EXD3: variants seen among roughly 807,000 people sequenced by gnomAD.
EXD3 encodes exonuclease mut-7 homolog.
EXD3 carries 92 observed loss-of-function variants against 98.0 expected under a neutral mutation model. The ratio of observed to expected loss-of-function variants is 0.94; its 90% CI spans 0.79 to 1.12. EXD3 has a LOEUF of 1.12. Among genes scored for constraint, EXD3 ranks in the 50% most tolerant of loss-of-function variants. EXD3 has a pLI of 0.00. For missense variants in EXD3, 1,222 were observed against 1,191.6 expected (o/e 1.03, Z -0.38); for synonymous variants, 569 against 526.0 (o/e 1.08, Z -1.12).
intron 7 of EXD3, 23 bp from the exon 8 acceptor site, chr9:137,356,391 C>A: frequency 1.4e-6 from 2 of 1,430,346 alleles, no homozygotes; most frequent in Non-Finnish European, 1.9e-6. Context: ...AGAGGCACAG[C>A]CTCTGTTGCT....
At chr9:137,354,664 G>A in intron 9 of EXD3, 36 bp downstream of exon 9, 1 of 1,607,988 alleles carries the variant, frequency 6.2e-7, no homozygotes, top group Non-Finnish European at 8.5e-7. Context: ...TCAGGCCGCG[G>A]CTGGCTGCCC....
At chr9:137,330,603 A>ACTACACAGGAG (rs1833014320) in intron 17 of EXD3, among the ~76,000 whole-genome samples, 3 of 129,308 alleles carry the variant, frequency 2.3e-5, no homozygotes, top group African/African-American at 8.9e-5. Context: ...ACTACACAGG[A>ACTACACAGGAG]CTACACAGGA....
chr9:137,352,079 C>T lies in EXD3; in HGVS notation c.1160G>A (p.Gly387Asp). ...ASWEDLTRHE[G>D]ALLQCHQVVG... Reference sequence around the variant, plus strand: ...CGAGGGAACCACCTGCAGGAGTGCACCCTCGTGTCTGGTCAGGTCTTCCCA... The same window carrying T: ...CGAGGGAACCACCTGCAGGAGTGCATCCTCGTGTCTGGTCAGGTCTTCCCA... Residue 387 changes from glycine (G) to aspartate (D), a missense_variant, in exon 12 of 22, where the codon GGT becomes GAT. Gly to Asp is a moderately conservative substitution (Grantham distance 94, BLOSUM62 -1). Transcript: ENST00000340951. The T allele has an allele frequency of 1.9e-6, 3 of 1,611,938 alleles. No homozygotes were observed. Among genetic ancestry groups the T allele is most frequent in the African/African-American group, 1.3e-5 (1 of 75,058 alleles).
chr9:137,381,098 T>TCTCTCTCACACACACACA (rs769476087), intron 3 of EXD3: 3 of 134,658 alleles, frequency 2.2e-5, no homozygotes, highest in Admixed American at 7.5e-5. Context: ...AGACTCTGTC[T>TCTCTCTCACACACACACA]CACACACACA....
chr9:137,397,200 G>A (rs1837260119), intron 1 of EXD3, among the ~76,000 whole-genome samples: 1 of 152,244 alleles, frequency 6.6e-6, no homozygotes, highest in African/African-American at 2.4e-5. Context: ...AGACCATGCT[G>A]AGAGGAAGGC....
chr9:137,394,633 C>G (rs1365681690), intron 2 of EXD3, among the ~76,000 whole-genome samples: 1 of 152,230 alleles, frequency 6.6e-6, no homozygotes, highest in Non-Finnish European at 1.5e-5. Context: ...TCTGTAGGAA[C>G]AGGAGGGAGA....
rs767296342 is a variant in EXD3 at position 137,373,577 on chromosome 9, C to T, written c.143G>A (p.Gly48Glu). ...RKQLREEAWR[G>E]FAALDDPLAG... ...CAGGGGGTCGTCCAAGGCAGCAAAC[C>T]CCCGCCAGGCTTCCTCCCGGAGCTG... is the stretch of plus-strand genomic sequence containing the variant. The change falls in exon 4 of 22, where the codon GGG (glycine) becomes GAG (glutamate). Residue 48 changes from glycine (G) to glutamate (E), a missense_variant. Transcript: ENST00000340951. The T allele has an allele frequency of 1.0e-5, 16 of 1,602,692 alleles. No homozygotes were observed. The South Asian group carries it at 1.8e-4, about 18-fold the overall frequency.
At chr9:137,399,059 G>A (rs1363682392) in intron 1 of EXD3, among the ~76,000 whole-genome samples, 1 of 152,098 alleles carries the variant, frequency 6.6e-6, no homozygotes, top group African/African-American at 2.4e-5. Context: ...CTGTCCCTGT[G>A]GCACAGGCGC....
chr9:137,389,850 A>T (rs920454545), intron 2 of EXD3, among the ~76,000 whole-genome samples: 14 of 152,166 alleles, frequency 9.2e-5, no homozygotes, highest in African/African-American at 3.4e-4. Context: ...GACCCGGCAC[A>T]GTGGCTCATG....
intron 17 of EXD3, among the ~76,000 whole-genome samples, chr9:137,333,567 G>A (rs1833205962): frequency 6.6e-6 from 1 of 152,150 alleles, no homozygotes; most frequent in Admixed American, 6.6e-5. Flanking sequence ...CATGGGGGAG[G>A]ATTTCTCAGG....
Position 137,373,420 on chromosome 9 carries a change from G to C in EXD3, c.294+6C>G. ...GAGGTGACTGTCACAGAACCCATGG[G>C]CTCACCTGGGCCAGGCTCGGGCATG... is the stretch of plus-strand genomic sequence containing the variant. On this transcript the variant is annotated splice_donor_region_variant and intron_variant, in intron 4 of 21. Coordinates refer to ENST00000340951, the MANE Select transcript of EXD3 (RefSeq NM_017820.5). 1 of 1,604,760 alleles carries C rather than the reference G, an allele frequency of 6.2e-7. No homozygotes were observed. The highest frequency in any genetic ancestry group is 8.5e-7 in the Non-Finnish European group (1 of 1,179,090).
chr9:137,416,986 G>A (rs537550095), intron 1 of EXD3, among the ~76,000 whole-genome samples: 25 of 152,320 alleles, frequency 1.6e-4, no homozygotes, highest in Admixed American at 1.0e-3. Flanking sequence ...CCAACTCCAC[G>A]GGAGGGTCTG....
intron 19 of EXD3, among the ~76,000 whole-genome samples, chr9:137,320,717 G>A (rs990633129): frequency 3.3e-5 from 5 of 152,152 alleles, no homozygotes; most frequent in Non-Finnish European, 7.4e-5. Context: ...AGGGCTTGGC[G>A]GCCCCTCCAT....
At chr9:137,318,072 G>A (rs1831795165) in intron 19 of EXD3, among the ~76,000 whole-genome samples, 3 of 152,308 alleles carry the variant, frequency 2.0e-5, no homozygotes, top group African/African-American at 4.8e-5. Flanking sequence ...CAGGCCCACG[G>A]CAGGAATGGG....
Position 137,348,087 on chromosome 9 carries a change from T to G in EXD3, c.1982A>C (p.His661Pro). The change falls in exon 17 of 22, where the codon CAC (histidine) becomes CCC (proline). Residue 661 changes from histidine (H) to proline (P), a missense_variant. Transcript: ENST00000340951. The part of the protein sequence containing the change: ...DARMLGNGED[H>P]RRAAEVARQE... ...CAAACTCACCTCGGCCGCCCTGCGG[T>G]GGTCTTCACCATTGCCCAGCATGCG... 6.2e-7 allele frequency: 1 copy of G among 1,611,156 alleles called. No homozygotes were observed. Among genetic ancestry groups the G allele is most frequent in the Non-Finnish European group, 8.5e-7 (1 of 1,179,576 alleles).
intron 1 of EXD3, among the ~76,000 whole-genome samples, chr9:137,422,560 G>A (rs1838583971): frequency 3.9e-5 from 6 of 152,176 alleles, no homozygotes. Flanking sequence ...TTTGTTCTCC[G>A]TTGCACCTGG....
chr9:137,390,555 C>T (rs1243623254), intron 2 of EXD3, among the ~76,000 whole-genome samples: 1 of 152,080 alleles, frequency 6.6e-6, no homozygotes, highest in African/African-American at 2.4e-5. Flanking sequence ...AAATGAGGCC[C>T]GGTATTGGCG....
chr9:137,316,000 TC>T (rs1345063617), intron 19 of EXD3, among the ~76,000 whole-genome samples: 1 of 117,672 alleles, frequency 8.5e-6, no homozygotes, highest in Non-Finnish European at 1.8e-5. Flanking sequence ...TCTCTGAGCC[TC>T]CCAAGGGAAG....
chr9:137,392,808 G>A (rs539046807), intron 2 of EXD3: 63 of 351,718 alleles, frequency 1.8e-4, no homozygotes, highest in Non-Finnish European at 3.0e-4. Flanking sequence ...CTGTTCTGTG[G>A]GGGGGCGCCG....
Sources: allele counts gnomAD v4.1 joint callset (sites outside exome capture counted in the v4.1 genomes callset), GRCh38; gene constraint gnomAD v4.1.1; transcripts MANE v1.5; gene names NCBI Gene and HGNC (gene_info 2026-07-23, HGNC 2026-07-21).